The following TMEM232 variants were observed in gnomAD, a reference collection of about 807,000 sequenced individuals.
The protein encoded by TMEM232 is transmembrane protein 232.
A neutral mutation model predicts 78.8 loss-of-function variants in TMEM232; 80 were observed. The ratio of observed to expected loss-of-function variants is 1.01; its 90% CI spans 0.85 to 1.22. The LOEUF (loss-of-function observed/expected upper bound fraction) is 1.22, where lower values mean the gene tolerates loss of function less well. TMEM232 is among the 50% of genes most tolerant of loss of function. TMEM232 has a pLI of 0.00. For missense variants in TMEM232, 881 were observed against 742.2 expected, an observed-to-expected ratio of 1.19 and a Z score of -2.17; for synonymous variants, 297 against 254.3, an observed-to-expected ratio of 1.17 and a Z score of -1.60.
chr5:110,676,781 C>T (rs191042705), intron 1 of TMEM232, among the ~76,000 whole-genome samples: 25 of 140,728 alleles, frequency 1.8e-4, no homozygotes, highest in African/African-American at 6.0e-4. Context: ...ATTTAATATA[C>T]GGAGTTTCAC....
intron 10 of TMEM232, among the ~76,000 whole-genome samples, chr5:110,601,231 T>C (rs1780850600): frequency 6.6e-6 from 1 of 152,170 alleles, no homozygotes; most frequent in African/African-American, 2.4e-5. Flanking sequence ...AAGTATTCCC[T>C]TCGACAACTG....
intron 2 of TMEM232, among the ~76,000 whole-genome samples, chr5:110,409,812 C>G (rs1755923162): frequency 1.3e-5 from 2 of 152,038 alleles, no homozygotes; most frequent in South Asian, 4.2e-4. Flanking sequence ...ATAGAGCAGG[C>G]AAGAGGAGCT....
At chr5:110,633,987 TAA>T (rs1319460131) in intron 5 of TMEM232, among the ~76,000 whole-genome samples, 4 of 151,994 alleles carry the variant, frequency 2.6e-5, no homozygotes, top group Non-Finnish European at 5.9e-5. Flanking sequence ...AGACTGAGAG[TAA>T]AGAGATGGAA....
intron 12 of TMEM232, among the ~76,000 whole-genome samples, chr5:110,447,235 T>C (rs1759757788): frequency 6.6e-6 from 1 of 151,958 alleles, no homozygotes. Context: ...TTGGTAGACA[T>C]TATATTGCCT....
At position 110,662,699 on chromosome 5, in the gene TMEM232, G is replaced by A. The variant is rs532350870; in HGVS notation, c.125+4529C>T. On this transcript the variant is annotated intron_variant, in intron 2 of 13. Coordinates refer to ENST00000455884, the MANE Select transcript of TMEM232 (RefSeq NM_001039763.4). ...GCATATCAATTACATGTGAATGCAT[G>A]AGTTATACAATAACTGTACTACAGA... Among the ~76,000 whole-genome samples, 3 of 152,232 alleles carry A rather than the reference G, an allele frequency of 2.0e-5. No individual in the cohort carries two copies. The East Asian group carries it at 5.8e-4, about 29-fold the overall frequency.
intron 10 of TMEM232, among the ~76,000 whole-genome samples, chr5:110,582,351 G>C (rs937021082): frequency 6.6e-6 from 1 of 151,558 alleles, no homozygotes; most frequent in Non-Finnish European, 1.5e-5. Flanking sequence ...AAATAATATC[G>C]TTTATGGCAA....
intron 2 of TMEM232, among the ~76,000 whole-genome samples, chr5:110,649,540 G>A (rs558007437): frequency 3.3e-5 from 5 of 151,934 alleles, no homozygotes; most frequent in South Asian, 4.2e-4. Flanking sequence ...TATTCTAGTC[G>A]TTCATATTCT....
chr5:110,442,313 CT>C (rs1580698012), intron 12 of TMEM232, among the ~76,000 whole-genome samples: 1 of 151,816 alleles, frequency 6.6e-6, no homozygotes, highest in Admixed American at 6.6e-5. Flanking sequence ...CCCTTTTATT[CT>C]TTTTTTCTTT....
intron 12 of TMEM232, among the ~76,000 whole-genome samples, chr5:110,490,153 GA>G (rs750283326): frequency 7.0e-6 from 1 of 143,656 alleles, no homozygotes; most frequent in African/African-American, 2.8e-5. Flanking sequence ...AAGAAAGAAA[GA>G]AAGAAAGAAA....
At chr5:110,398,636 C>A (rs1755480840) in intron 2 of TMEM232, among the ~76,000 whole-genome samples, 1 of 152,130 alleles carries the variant, frequency 6.6e-6, no homozygotes. Flanking sequence ...TAAGAAGATG[C>A]AATAGTCTCA....
chr5:110,399,324 G>A (rs1755505574), intron 2 of TMEM232, among the ~76,000 whole-genome samples: 2 of 152,108 alleles, frequency 1.3e-5, no homozygotes, highest in Non-Finnish European at 2.9e-5. Context: ...ATGCAAATGT[G>A]CATGAGCCTT....
intron 1 of TMEM232, among the ~76,000 whole-genome samples, chr5:110,669,826 T>C (rs1014098866): frequency 1.3e-4 from 20 of 152,134 alleles, no homozygotes; most frequent in African/African-American, 4.6e-4. Flanking sequence ...GCTGGTTCAA[T>C]ATACGCAAAT....
At chr5:110,451,243 C>CATCT (rs1282917333) in intron 12 of TMEM232, among the ~76,000 whole-genome samples, 1 of 151,998 alleles carries the variant, frequency 6.6e-6, no homozygotes, top group Non-Finnish European at 1.5e-5. Flanking sequence ...TTTGTTTGTG[C>CATCT]ATCTATCTCT....
intron 1 of TMEM232, among the ~76,000 whole-genome samples, chr5:110,690,418 AATG>A (rs1186928804): frequency 2.0e-5 from 3 of 152,348 alleles, no homozygotes; most frequent in Admixed American, 6.5e-5. Flanking sequence ...TCAAAACCAC[AATG>A]AGATACCATA....
chr5:110,634,438 T>C, intron 5 of TMEM232, among the ~76,000 whole-genome samples: 1 of 152,114 alleles, frequency 6.6e-6, no homozygotes, highest in East Asian at 1.9e-4. Flanking sequence ...GGTTAGATCA[T>C]ATGCTAGGCA....
At chr5:110,651,805 G>A (rs1345257300) in intron 2 of TMEM232, among the ~76,000 whole-genome samples, 1 of 151,980 alleles carries the variant, frequency 6.6e-6, no homozygotes, top group Admixed American at 6.6e-5. Flanking sequence ...TGAAGAAACT[G>A]TGCTTCAGGT....
chr5:110,507,637 T>C (rs1410637107), intron 12 of TMEM232, among the ~76,000 whole-genome samples: 2 of 152,162 alleles, frequency 1.3e-5, no homozygotes, highest in African/African-American at 4.8e-5. Context: ...CAGGCTTGAC[T>C]CTCCCAGCCA....
intron 12 of TMEM232, 45 bp downstream of exon 12, chr5:110,528,543 A>G (rs1402341214): frequency 7.1e-7 from 1 of 1,412,174 alleles, no homozygotes; most frequent in Non-Finnish European, 9.2e-7. Context: ...GTGATTTTGA[A>G]TTGTAATGTA....
rs1006805866 is a variant in TMEM232 at position 110,504,686 on chromosome 5, G to A, written c.1703+23902C>T. Among the ~76,000 whole-genome samples the A allele has an allele frequency of 1.9e-4, 29 of 152,220 alleles. 1 individual carries two copies. The highest frequency in any genetic ancestry group is 6.5e-4 in the Admixed American group (10 of 15,280). The stretch of plus-strand genomic sequence containing the variant: ...GTCCCAGCTTACCCAGTCAGGCAGA[G>A]GAGTTCTGCTTTACTCACAGAAGGG... On this transcript the variant is annotated intron_variant, in intron 12 of 13. Coordinates refer to ENST00000455884, the MANE Select transcript of TMEM232 (RefSeq NM_001039763.4).
Sources: gnomAD v4.1 joint callset for allele counts (sites outside exome capture counted in the v4.1 genomes callset) on GRCh38, gnomAD v4.1.1 for gene constraint, MANE v1.5 for transcripts, NCBI Gene and HGNC (gene_info 2026-07-23, HGNC 2026-07-21) for gene names.